The following NUP62CL variants were observed in gnomAD, a reference collection of about 807,000 sequenced individuals.
The protein encoded by NUP62CL is nucleoporin-62 C-terminal-like protein.
A neutral mutation model predicts 15.3 loss-of-function variants in NUP62CL; 13 were observed. The ratio of observed to expected loss-of-function variants is 0.85; its 90% CI spans 0.55 to 1.35. The LOEUF (loss-of-function observed/expected upper bound fraction) is 1.35, where lower values mean the gene tolerates loss of function less well. NUP62CL is among the 40% of genes most tolerant of loss of function. The pLI is 0.00. For missense variants in NUP62CL, 123 were observed against 130.6 expected, an observed-to-expected ratio of 0.94 and a Z score of 0.28; for synonymous variants, 54 against 49.2, an observed-to-expected ratio of 1.10 and a Z score of -0.41.
At chrX:107,195,297 T>A (rs1927338171) in intron 1 of NUP62CL, among the ~76,000 whole-genome samples, 1 of 112,333 alleles carries the variant, frequency 8.9e-6, no homozygotes, top group Non-Finnish European at 1.9e-5. Flanking sequence ...TAACTAAATC[T>A]GATTTACTAT....
At chrX:107,184,746 C>T (rs1422632143) in intron 2 of NUP62CL, among the ~76,000 whole-genome samples, 1 of 110,578 alleles carries the variant, frequency 9.0e-6, no homozygotes, top group African/African-American at 3.3e-5. Context: ...AGAAGCAGAG[C>T]GAACCCAAAA....
At chrX:107,155,543 C>G (rs987753211) in intron 4 of NUP62CL, among the ~76,000 whole-genome samples, 1 of 111,901 alleles carries the variant, frequency 8.9e-6, no homozygotes, top group Non-Finnish European at 1.9e-5. Flanking sequence ...GAAGCAGTTT[C>G]CATACCACCC....
intron 1 of NUP62CL, among the ~76,000 whole-genome samples, chrX:107,197,865 C>A (rs143815014): frequency 3.6e-5 from 4 of 112,003 alleles, no homozygotes; most frequent in Non-Finnish European, 5.6e-5. Flanking sequence ...AAAATTCTGA[C>A]GGTTCCATTA....
At chrX:107,153,374 C>G in intron 6 of NUP62CL, 68 bp from the exon 7 acceptor site, 1 of 1,093,749 alleles carries the variant, frequency 9.1e-7, no homozygotes, top group Non-Finnish European at 1.2e-6. Flanking sequence ...AAAGAGTTAA[C>G]AAACTACAGA....
At chrX:107,132,823 G>C (rs368746958) in intron 8 of NUP62CL, among the ~76,000 whole-genome samples, 2 of 111,906 alleles carry the variant, frequency 1.8e-5, no homozygotes, top group East Asian at 5.6e-4. Context: ...CTTTAAATTC[G>C]AGGTTTTATT....
At chrX:107,156,852 C>T (rs1302559170) in intron 4 of NUP62CL, among the ~76,000 whole-genome samples, 4 of 102,233 alleles carry the variant, frequency 3.9e-5, no homozygotes, top group African/African-American at 1.5e-4. Context: ...GACATTCAAA[C>T]CAAAGGCAAA....
chrX:107,156,012 G>C (rs1033666097), intron 4 of NUP62CL, among the ~76,000 whole-genome samples: 40 of 111,638 alleles, frequency 3.6e-4, no homozygotes, highest in Admixed American at 6.6e-4. Flanking sequence ...TCAAAGAAAG[G>C]GGTGACGGAC....
At chrX:107,186,284 C>A (rs182816071) in intron 2 of NUP62CL, among the ~76,000 whole-genome samples, 2 of 111,337 alleles carry the variant, frequency 1.8e-5, no homozygotes, top group Admixed American at 9.6e-5. Context: ...TTTTAAAAAT[C>A]AATTTATTGG....
At chrX:107,152,658 T>A (rs897044552) in intron 7 of NUP62CL, among the ~76,000 whole-genome samples, 4 of 111,849 alleles carry the variant, frequency 3.6e-5, no homozygotes, top group African/African-American at 1.3e-4. Context: ...AGTTCACAAA[T>A]AAAATATAGC....
intron 8 of NUP62CL, among the ~76,000 whole-genome samples, chrX:107,130,510 T>G (rs771911889): frequency 3.8e-4 from 43 of 112,298 alleles, no homozygotes; most frequent in Admixed American, 1.9e-3. Flanking sequence ...ATGTGCTATA[T>G]CAGAAACAAG....
chrX:107,141,672 A>G (rs892354686), intron 8 of NUP62CL, among the ~76,000 whole-genome samples: 6 of 112,195 alleles, frequency 5.3e-5, no homozygotes, highest in African/African-American at 1.6e-4. Flanking sequence ...CGAAACAGGA[A>G]GAAGGCACCT....
intron 4 of NUP62CL, among the ~76,000 whole-genome samples, chrX:107,165,198 C>A (rs1208356576): frequency 3.7e-5 from 4 of 108,932 alleles, no homozygotes; most frequent in Non-Finnish European, 7.6e-5. Context: ...ACTCAGGAGG[C>A]CTCGGCTGAG....
chrX:107,183,761 C>G (rs1212510883), intron 2 of NUP62CL, among the ~76,000 whole-genome samples: 1 of 111,503 alleles, frequency 9.0e-6, no homozygotes, highest in East Asian at 2.8e-4. Context: ...TAACCAACCA[C>G]CACAGAAAAA....
At chrX:107,193,350 T>C (rs1927288749) in intron 1 of NUP62CL, among the ~76,000 whole-genome samples, 1 of 112,189 alleles carries the variant, frequency 8.9e-6, no homozygotes, top group South Asian at 3.7e-4. Flanking sequence ...GAATGAGATA[T>C]GTGCCTTAAT....
chrX:107,148,433 A>G (rs1188552578), intron 7 of NUP62CL, among the ~76,000 whole-genome samples: 1 of 111,709 alleles, frequency 9.0e-6, no homozygotes, highest in East Asian at 2.8e-4. Context: ...AAAAATGATT[A>G]AATAGATCAT....
At chrX:107,199,903 G>C (rs931202787) in intron 1 of NUP62CL, among the ~76,000 whole-genome samples, 1 of 111,844 alleles carries the variant, frequency 8.9e-6, no homozygotes, top group Non-Finnish European at 1.9e-5. Flanking sequence ...AAGCCTCAAA[G>C]CACAGTAATG....
At chrX:107,139,124 T>G (rs1001731570) in intron 8 of NUP62CL, among the ~76,000 whole-genome samples, 3 of 111,472 alleles carry the variant, frequency 2.7e-5, no homozygotes, top group African/African-American at 9.8e-5. Context: ...AAAATAGATT[T>G]GTGGTTGCCA....
At chrX:107,195,123 C>A (rs1214996129) in intron 1 of NUP62CL, among the ~76,000 whole-genome samples, 2 of 111,026 alleles carry the variant, frequency 1.8e-5, no homozygotes, top group Admixed American at 9.6e-5. Context: ...CCCCAATTGT[C>A]AACACAAATT....
chrX:107,143,747 T>C (rs979041363), intron 8 of NUP62CL, among the ~76,000 whole-genome samples: 1 of 112,148 alleles, frequency 8.9e-6, no homozygotes, highest in African/African-American at 3.2e-5. Flanking sequence ...TCTATTACTT[T>C]TTCTATAACG....
Sources: allele counts gnomAD v4.1 joint callset (sites outside exome capture counted in the v4.1 genomes callset), GRCh38; gene constraint gnomAD v4.1.1; transcripts MANE v1.5; gene names NCBI Gene and HGNC (gene_info 2026-07-23, HGNC 2026-07-21).